The following PCYOX1 variants were observed in gnomAD, a reference collection of about 807,000 sequenced individuals.
PCYOX1 encodes prenylcysteine lyase.
A neutral mutation model predicts 46.4 loss-of-function variants in PCYOX1; 46 were observed. That is an observed-to-expected ratio of 0.99 (90% CI 0.78 to 1.27). The LOEUF (loss-of-function observed/expected upper bound fraction) is 1.27, where lower values mean the gene tolerates loss of function less well. PCYOX1 is among the 50% of genes most tolerant of loss of function. PCYOX1 has a pLI of 0.00. For missense variants in PCYOX1, 658 were observed against 628.3 expected (o/e 1.05, Z -0.51); for synonymous variants, 220 against 231.8 (o/e 0.95, Z 0.46).
intron 1 of PCYOX1, 108 bp from the exon 2 acceptor site, chr2:70,259,252 T>C: frequency 6.2e-6 from 6 of 973,594 alleles, no homozygotes; most frequent in Non-Finnish European, 9.7e-6. Context: ...AAATTGTTGG[T>C]AATAGCTTTG....
At chr2:70,257,970 CTGAG>C, upstream of PCYOX1, 1 of 449,812 alleles carries the variant, frequency 2.2e-6, no homozygotes, top group Non-Finnish European at 3.9e-6. Context: ...GCTTAGGGCA[CTGAG>C]TGGCCCAGAG....
intron 2 of PCYOX1, 44 bp from the exon 3 acceptor site, chr2:70,261,168 C>T: frequency 7.5e-7 from 1 of 1,341,328 alleles, no homozygotes; most frequent in Non-Finnish European, 1.1e-6. Flanking sequence ...TTCATTTGAT[C>T]AGCATAGACA....
intron 3 of PCYOX1, among the ~76,000 whole-genome samples, chr2:70,266,621 A>G (rs1381321781): frequency 1.3e-5 from 2 of 152,088 alleles, no homozygotes; most frequent in Non-Finnish European, 2.9e-5. Context: ...CGCCTTCCGC[A>G]GTGTTTGTGT....
chr2:70,274,864 G>A, intron 3 of PCYOX1, 95 bp from the exon 4 acceptor site: 1 of 820,184 alleles, frequency 1.2e-6, no homozygotes, highest in Non-Finnish European at 2.1e-6. Flanking sequence ...GCACCTAGAT[G>A]TCAGTTTGAT....
In PCYOX1 at chr2:70,275,182, C is replaced by G. The variant is rs764045294; in HGVS notation, c.706+12C>G. ...CAATGCCTTTGTGGGTAAGCCAGGGCTTGAAACAGTGGTGGACATTAGTTC... is the reference window on the plus strand; with the variant it reads ...CAATGCCTTTGTGGGTAAGCCAGGGGTTGAAACAGTGGTGGACATTAGTTC... On this transcript the variant is annotated intron_variant, in intron 4 of 5. Coordinates refer to ENST00000433351, the MANE Select transcript of PCYOX1 (RefSeq NM_016297.4). 43 of 1,598,978 alleles carry G rather than the reference C, an allele frequency of 2.7e-5. No individual in the cohort carries two copies. The highest frequency in any genetic ancestry group is 2.6e-5 in the Non-Finnish European group (30 of 1,166,300).
At chr2:70,272,638 C>T (rs1360805183) in intron 3 of PCYOX1, among the ~76,000 whole-genome samples, 1 of 152,160 alleles carries the variant, frequency 6.6e-6, no homozygotes, top group Non-Finnish European at 1.5e-5. Flanking sequence ...GCTGTGACTA[C>T]AGGTGCATGC....
rs1389216056 is a variant in PCYOX1 at position 70,281,126 on chromosome 2, C to CTT, written c.*3735_*3736dup. On this transcript the variant is annotated 3_prime_UTR_variant, in exon 6 of 6. Coordinates refer to ENST00000433351, the MANE Select transcript of PCYOX1 (RefSeq NM_016297.4). ...TTTTCTCTGGAATCCTCTTTCTACT[C>CTT]TTGTATTAAAATTTTTCCCCACTTC... The CTT allele has an allele frequency of 6.6e-6, 1 of 152,224 alleles. No individual in the cohort carries two copies. The highest frequency in any genetic ancestry group is 2.4e-5 in the African/African-American group (1 of 41,434). The allele number at this position is 152,224 out of a possible 1,614,324, so 9.4% of individuals were successfully genotyped here.
chr2:70,259,425 G>A lies in PCYOX1; in HGVS notation c.178G>A (p.Asp60Asn). 6.2e-7 allele frequency: 1 copy of A among 1,614,182 alleles called. No individual in the cohort carries two copies. The highest frequency in any genetic ancestry group is 1.3e-5 in the African/African-American group (1 of 75,060). Residue 60 changes from aspartate (D) to asparagine (N), a missense_variant, in exon 2 of 6, where the codon GAT (aspartate) becomes AAT (asparagine). Transcript: ENST00000433351. ...AYYLRQKFGK[D>N]VKIDLFEREE... The stretch of plus-strand genomic sequence containing the variant: ...TTACCTGCGGCAGAAATTTGGGAAA[G>A]ATGTGAAGATAGACCTGTTTGAAAG...
intron 2 of PCYOX1, among the ~76,000 whole-genome samples, chr2:70,260,315 C>G (rs890368503): frequency 6.6e-6 from 1 of 152,146 alleles, no homozygotes; most frequent in Admixed American, 6.6e-5. Flanking sequence ...GAGGCCGAGG[C>G]AGAGGATCAC....
chr2:70,260,090 C>T (rs764532181), intron 2 of PCYOX1, among the ~76,000 whole-genome samples: 33 of 152,184 alleles, frequency 2.2e-4, no homozygotes, highest in Admixed American at 9.8e-4. Context: ...GCTGGGATTA[C>T]AGGGGTGAGC....
intron 3 of PCYOX1, among the ~76,000 whole-genome samples, chr2:70,264,282 T>C (rs1279627500): frequency 6.6e-6 from 1 of 151,704 alleles, no homozygotes; most frequent in Admixed American, 6.6e-5. Flanking sequence ...TTTTTTTATC[T>C]GTGGCTTGCT....
At chr2:70,261,417 A>T (rs1269381115) in intron 3 of PCYOX1, 31 bp downstream of exon 3, 2 of 1,442,598 alleles carry the variant, frequency 1.4e-6, no homozygotes, top group Non-Finnish European at 1.9e-6. Flanking sequence ...TTAACCTAAG[A>T]TCTTTTAATT....
chr2:70,272,514 A>G (rs555429740), intron 3 of PCYOX1, among the ~76,000 whole-genome samples: 14 of 151,760 alleles, frequency 9.2e-5, no homozygotes, highest in Non-Finnish European at 1.9e-4. Context: ...CTCCTGTCTT[A>G]CTCTGTCACC....
chr2:70,276,439 C>G (rs1436324093), intron 5 of PCYOX1, among the ~76,000 whole-genome samples: 3 of 152,142 alleles, frequency 2.0e-5, no homozygotes, highest in Non-Finnish European at 2.9e-5. Context: ...ATCTCCTGAC[C>G]TCGTGATCCA....
At chr2:70,258,634 C>G (rs1696383619) in intron 1 of PCYOX1, 1 of 225,226 alleles carries the variant, frequency 4.4e-6, no homozygotes, top group Admixed American at 5.9e-5. Context: ...CGTGAAGACT[C>G]CAGTGTTCTG....
In PCYOX1 at chr2:70,261,210, A is replaced by T; in HGVS notation, c.320-2A>T. The stretch of plus-strand genomic sequence containing the variant: ...ACTTAGCTGTGCTTTATGTTTTTGC[A>T]GGTCTCTCTGCTGTTCAGGCCTCTG... On this transcript the variant is annotated splice_acceptor_variant, in intron 2 of 5. Coordinates refer to ENST00000433351, the MANE Select transcript of PCYOX1 (RefSeq NM_016297.4). LOFTEE classifies it high-confidence loss of function. The T allele has an allele frequency of 6.2e-7, 1 of 1,602,202 alleles. No individual in the cohort carries two copies. The highest frequency in any genetic ancestry group is 8.5e-7 in the Non-Finnish European group (1 of 1,170,384).
Position 70,267,951 on chromosome 2 carries a change from C to T in PCYOX1, c.494+6565C>T, listed in dbSNP as rs868032025. ...TCAGCCTCCCGAGTAGTTGGGATCA[C>T]AGGCGCCCACCACCATGCCCGGCTA... On this transcript the variant is annotated intron_variant, in intron 3 of 5. Coordinates refer to ENST00000433351, the MANE Select transcript of PCYOX1 (RefSeq NM_016297.4). Among the ~76,000 whole-genome samples, 4 of 152,184 alleles carry T rather than the reference C, an allele frequency of 2.6e-5. No homozygotes were observed. In the South Asian group the frequency reaches 6.2e-4, roughly 24 times the overall value.
intron 3 of PCYOX1, among the ~76,000 whole-genome samples, chr2:70,271,002 C>T (rs1480984270): frequency 6.6e-6 from 1 of 152,164 alleles, no homozygotes; most frequent in Non-Finnish European, 1.5e-5. Context: ...GCTGGGATTA[C>T]AGGCGTGAGC....
intron 3 of PCYOX1, among the ~76,000 whole-genome samples, chr2:70,269,917 C>T (rs1573981291): frequency 1.3e-5 from 2 of 152,284 alleles, no homozygotes; most frequent in East Asian, 1.9e-4. Context: ...TCTCCAGTGG[C>T]TTCTAGCTTG....
Sources: allele counts gnomAD v4.1 joint callset (sites outside exome capture counted in the v4.1 genomes callset), GRCh38; gene constraint gnomAD v4.1.1; transcripts MANE v1.5; gene names NCBI Gene and HGNC (gene_info 2026-07-23, HGNC 2026-07-21).